PCDH9: variants seen among roughly 807,000 people sequenced by gnomAD.
PCDH9 encodes protocadherin 9, also known as protocadherin-9.
A neutral mutation model predicts 70.6 loss-of-function variants in PCDH9; 24 were observed. The ratio of observed to expected loss-of-function variants is 0.34; its 90% CI spans 0.25 to 0.48. PCDH9 has a LOEUF of 0.48. Among genes scored for constraint, PCDH9 ranks in the 20% least tolerant of loss-of-function variants. The probability of loss-of-function intolerance (pLI) is 0.99; values close to 1 mark genes in which losing one functional copy is unlikely to be tolerated. For synonymous variants in PCDH9, 562 were observed against 558.5 expected, an observed-to-expected ratio of 1.01 and a Z score of -0.09; for missense variants, 1,281 against 1,503.6, an observed-to-expected ratio of 0.85 and a Z score of 2.45.
intron 3 of PCDH9, among the ~76,000 whole-genome samples, chr13:66,793,151 C>T (rs554199400): frequency 6.6e-6 from 1 of 151,640 alleles, no homozygotes; most frequent in African/African-American, 2.4e-5. Flanking sequence ...ATATATAATG[C>T]ATTCTCATAT....
chr13:66,315,105 C>G (rs542139549), intron 4 of PCDH9, among the ~76,000 whole-genome samples: 30 of 152,292 alleles, frequency 2.0e-4, no homozygotes, highest in African/African-American at 7.2e-4. Flanking sequence ...TGAGAGCAGC[C>G]TCTAAGAGTT....
intron 4 of PCDH9, among the ~76,000 whole-genome samples, chr13:66,391,873 G>T (rs1005852432): frequency 2.3e-5 from 2 of 85,432 alleles, no homozygotes; most frequent in African/African-American, 4.4e-5. Flanking sequence ...CTCTCTCTTT[G>T]CCATATATGC....
intron 2 of PCDH9, among the ~76,000 whole-genome samples, chr13:67,101,078 T>C (rs1262743015): frequency 6.6e-6 from 1 of 152,154 alleles, no homozygotes; most frequent in Non-Finnish European, 1.5e-5. Context: ...GCAAGAATCT[T>C]TTGAGCTCCT....
chr13:66,443,533 A>G (rs115442237), intron 4 of PCDH9, among the ~76,000 whole-genome samples: 2 of 152,160 alleles, frequency 1.3e-5, no homozygotes, highest in Non-Finnish European at 2.9e-5. Context: ...AATAGTGACA[A>G]CATTCTAATA....
At chr13:66,438,741 T>C (rs866686049) in intron 4 of PCDH9, among the ~76,000 whole-genome samples, 16 of 152,170 alleles carry the variant, frequency 1.1e-4, no homozygotes, top group Admixed American at 5.9e-4. Flanking sequence ...GTCTAAAATA[T>C]AGAAAATGAT....
At chr13:66,908,626 G>A (rs1343104897) in intron 2 of PCDH9, among the ~76,000 whole-genome samples, 11 of 152,084 alleles carry the variant, frequency 7.2e-5, no homozygotes, top group African/African-American at 2.7e-4. Flanking sequence ...GTGACCAACA[G>A]TATAGATTCT....
At chr13:66,483,583 C>T (rs868625605) in intron 4 of PCDH9, among the ~76,000 whole-genome samples, 8 of 152,300 alleles carry the variant, frequency 5.3e-5, no homozygotes, top group South Asian at 2.1e-4. Flanking sequence ...AAAAGGAATA[C>T]TCTTGCTAAA....
intron 2 of PCDH9, among the ~76,000 whole-genome samples, chr13:67,187,036 A>T (rs1376600144): frequency 6.6e-6 from 1 of 152,186 alleles, no homozygotes; most frequent in African/African-American, 2.4e-5. Context: ...AAACAATTTC[A>T]CATTTTTCCT....
chr13:67,048,530 C>G (rs1333890246), intron 2 of PCDH9, among the ~76,000 whole-genome samples: 1 of 152,124 alleles, frequency 6.6e-6, no homozygotes, highest in Admixed American at 6.5e-5. Flanking sequence ...TTTCCTCCCA[C>G]ACAGATGTAT....
chr13:66,720,909 GA>G (rs915807465), intron 3 of PCDH9, among the ~76,000 whole-genome samples: 4 of 151,988 alleles, frequency 2.6e-5, no homozygotes, highest in Admixed American at 2.6e-4. Flanking sequence ...ATACGCAGGG[GA>G]AAAAAAGCAT....
intron 4 of PCDH9, among the ~76,000 whole-genome samples, chr13:66,416,505 T>C (rs972570099): frequency 1.3e-5 from 2 of 151,966 alleles, no homozygotes; most frequent in Non-Finnish European, 2.9e-5. Flanking sequence ...AAAATGAGAG[T>C]GATTAATGCC....
intron 4 of PCDH9, among the ~76,000 whole-genome samples, chr13:66,320,191 C>T (rs1955728407): frequency 2.0e-5 from 3 of 152,040 alleles, no homozygotes; most frequent in Non-Finnish European, 4.4e-5. Context: ...AATAACTAAT[C>T]TAGTTTTGTA....
chr13:66,608,260 T>C (rs1318054838), intron 4 of PCDH9, among the ~76,000 whole-genome samples: 3 of 152,096 alleles, frequency 2.0e-5, no homozygotes, highest in Non-Finnish European at 2.9e-5. Context: ...TTATCATAGA[T>C]TTAAGATTAT....
At chr13:66,409,084 A>T (rs970328865) in intron 4 of PCDH9, among the ~76,000 whole-genome samples, 1 of 152,116 alleles carries the variant, frequency 6.6e-6, no homozygotes, top group Non-Finnish European at 1.5e-5. Flanking sequence ...TAAAATAAGG[A>T]GGACTATGTG....
At chr13:66,742,206 G>A (rs1397685498) in intron 3 of PCDH9, among the ~76,000 whole-genome samples, 13 of 47,816 alleles carry the variant, frequency 2.7e-4, no homozygotes, top group African/African-American at 9.6e-4. Flanking sequence ...ACAACTATCT[G>A]ATCTTTGACA....
At chr13:66,910,591 G>A (rs982514940) in intron 2 of PCDH9, among the ~76,000 whole-genome samples, 3 of 152,114 alleles carry the variant, frequency 2.0e-5, no homozygotes, top group Admixed American at 6.6e-5. Context: ...CTTAAAGTCC[G>A]AAGTAATTCA....
At chr13:66,414,071 CT>C (rs1024157033) in intron 4 of PCDH9, among the ~76,000 whole-genome samples, 2 of 151,680 alleles carry the variant, frequency 1.3e-5, no homozygotes, top group Non-Finnish European at 2.9e-5. Context: ...ATATTTATAT[CT>C]TAAATGATTA....
chr13:66,402,053 T>C (rs1194123092), intron 4 of PCDH9, among the ~76,000 whole-genome samples: 2 of 152,174 alleles, frequency 1.3e-5, no homozygotes, highest in East Asian at 3.9e-4. Flanking sequence ...ATATTAGAAG[T>C]CTGTCAGAGG....
chr13:66,350,136 C>T (rs1284997333), intron 4 of PCDH9, among the ~76,000 whole-genome samples: 1 of 152,142 alleles, frequency 6.6e-6, no homozygotes, highest in African/African-American at 2.4e-5. Flanking sequence ...CTGACCTCCA[C>T]ACTCATATTT....
Sources: gnomAD v4.1 joint callset for allele counts (sites outside exome capture counted in the v4.1 genomes callset) on GRCh38, gnomAD v4.1.1 for gene constraint, MANE v1.5 for transcripts, NCBI Gene and HGNC (gene_info 2026-07-23, HGNC 2026-07-21) for gene names.